Variants in IGSF11 observed in about 807,000 individuals in gnomAD.
IGSF11 encodes the protein CXADR like 1.
In IGSF11, 22 loss-of-function variants were observed where a neutral mutation model predicts 41.0. The observed-to-expected ratio is 0.54, with a 90% CI of 0.38 to 0.77. The LOEUF (loss-of-function observed/expected upper bound fraction) is 0.77, where lower values mean the gene tolerates loss of function less well. Ranked by LOEUF, IGSF11 falls within the 30% of genes least tolerant of loss-of-function variation. The pLI, the probability that IGSF11 is intolerant of heterozygous loss-of-function variation, is 0.00. For missense variants in IGSF11, 444 were observed against 530.8 expected, an observed-to-expected ratio of 0.84 and a Z score of 1.61; for synonymous variants, 219 against 201.3, an observed-to-expected ratio of 1.09 and a Z score of -0.74.
At chr3:119,145,023 G>A (rs1042799853) in intron 1 of IGSF11, among the ~76,000 whole-genome samples, 3 of 152,168 alleles carry the variant, frequency 2.0e-5, no homozygotes, top group Middle Eastern at 3.2e-3. Flanking sequence ...AATTCATAAA[G>A]TGACATTCAA....
chr3:118,908,754 C>A (rs1939910030), intron 4 of IGSF11, among the ~76,000 whole-genome samples: 1 of 152,150 alleles, frequency 6.6e-6, no homozygotes, highest in Non-Finnish European at 1.5e-5. Flanking sequence ...TAGAAAAAAA[C>A]AAATGTTAGT....
intron 1 of IGSF11, among the ~76,000 whole-genome samples, chr3:119,066,033 T>A (rs923952011): frequency 3.2e-4 from 49 of 152,268 alleles, no homozygotes; most frequent in Non-Finnish European, 5.3e-4. Context: ...AGTATTTTTT[T>A]AAAATGCATC....
chr3:119,141,042 TAAAA>T (rs35323898), intron 1 of IGSF11, among the ~76,000 whole-genome samples: 2 of 99,782 alleles, frequency 2.0e-5, no homozygotes, highest in Non-Finnish European at 1.9e-5. Flanking sequence ...TCTGTCTCAT[TAAAA>T]AAAAAAAAAA....
At chr3:118,971,271 T>A (rs1422280404) in intron 1 of IGSF11, among the ~76,000 whole-genome samples, 1 of 152,138 alleles carries the variant, frequency 6.6e-6, no homozygotes, top group Admixed American at 6.5e-5. Flanking sequence ...ATTAGCAAAC[T>A]TCAGAGAGTG....
intron 1 of IGSF11, among the ~76,000 whole-genome samples, chr3:118,936,332 C>T (rs1411601823): frequency 6.6e-6 from 1 of 151,786 alleles, no homozygotes; most frequent in Non-Finnish European, 1.5e-5. Flanking sequence ...CATGGTGAAA[C>T]TCCATCTCTA....
chr3:119,078,398 A>G (rs572095057), intron 1 of IGSF11, among the ~76,000 whole-genome samples: 2 of 152,262 alleles, frequency 1.3e-5, no homozygotes, highest in South Asian at 4.1e-4. Flanking sequence ...AGGTTAGAGA[A>G]CCCATAAATA....
chr3:119,049,058 A>G (rs1229692577), intron 1 of IGSF11, among the ~76,000 whole-genome samples: 4 of 151,104 alleles, frequency 2.6e-5, no homozygotes, highest in Non-Finnish European at 3.0e-5. Context: ...ATGGGCAAAA[A>G]CTGGAAGCAT....
intron 1 of IGSF11, among the ~76,000 whole-genome samples, chr3:119,089,100 A>G (rs1378143181): frequency 6.6e-6 from 1 of 152,176 alleles, no homozygotes; most frequent in East Asian, 1.9e-4. Context: ...TCAGCTTGAT[A>G]CAAAAATCTG....
chr3:119,094,056 A>G (rs1472984401), intron 1 of IGSF11, among the ~76,000 whole-genome samples: 1 of 151,626 alleles, frequency 6.6e-6, no homozygotes, highest in Admixed American at 6.6e-5. Context: ...AAATCACCTC[A>G]TGAGGTATAA....
intron 1 of IGSF11, among the ~76,000 whole-genome samples, chr3:119,013,767 T>A (rs1045516261): frequency 6.6e-6 from 1 of 152,232 alleles, no homozygotes; most frequent in Non-Finnish European, 1.5e-5. Flanking sequence ...GGACAACGTG[T>A]GTCTTGCCCA....
At chr3:119,016,395 T>C (rs1938693295) in intron 1 of IGSF11, among the ~76,000 whole-genome samples, 1 of 152,224 alleles carries the variant, frequency 6.6e-6, no homozygotes, top group African/African-American at 2.4e-5. Flanking sequence ...TAATTTATTA[T>C]TCATGCTGTC....
chr3:119,067,517 C>T (rs1223881823), intron 1 of IGSF11, among the ~76,000 whole-genome samples: 3 of 152,180 alleles, frequency 2.0e-5, no homozygotes, highest in African/African-American at 7.2e-5. Context: ...GTCTTTGTTT[C>T]CTAAGTTATC....
rs112967365 is a variant in IGSF11, at chr3:119,073,517, A to C, written c.49+31627T>G. Among the ~76,000 whole-genome samples, 872 of 152,312 alleles carry C rather than the reference A, an allele frequency of 5.7e-3. 9 individuals are homozygous for C. Among genetic ancestry groups the C allele is most frequent in the African/African-American group, 0.02 (842 of 41,584 alleles). ...GAGCCCACCGTGGGGGGGCTCGGGC[A>C]TGGTGGGCTGCAGGTCCCGATCCCT... On this transcript the variant is annotated intron_variant, in intron 1 of 6. Transcript: ENST00000354673.
intron 1 of IGSF11, among the ~76,000 whole-genome samples, chr3:119,005,488 G>T (rs534865781): frequency 4.8e-4 from 71 of 148,990 alleles, no homozygotes; most frequent in African/African-American, 1.4e-3. Flanking sequence ...TGTTATGTGT[G>T]AATTTAATCC....
intron 1 of IGSF11, among the ~76,000 whole-genome samples, chr3:118,946,277 T>TA (rs11441705): frequency 0.26 from 39,949 of 151,190 alleles, 6,579 homozygotes; most frequent in African/African-American, 0.45. Flanking sequence ...AATGTTTTTT[T>TA]AAAAAAATCA....
At chr3:119,066,694 G>T (rs1942243180) in intron 1 of IGSF11, among the ~76,000 whole-genome samples, 1 of 152,154 alleles carries the variant, frequency 6.6e-6, no homozygotes, top group Admixed American at 6.5e-5. Flanking sequence ...GAACTGGATT[G>T]TCATCGTACC....
At chr3:118,919,301 C>T (rs1384794203) in intron 4 of IGSF11, among the ~76,000 whole-genome samples, 18 of 139,832 alleles carry the variant, frequency 1.3e-4, no homozygotes, top group Admixed American at 4.9e-4. Flanking sequence ...GCAAAAGAAA[C>T]TACCATCAGA....
chr3:119,061,878 T>C (rs1157449168), intron 1 of IGSF11, among the ~76,000 whole-genome samples: 2 of 152,148 alleles, frequency 1.3e-5, no homozygotes, highest in Non-Finnish European at 2.9e-5. Flanking sequence ...ATAGTGTATA[T>C]TTCTTGATGT....
chr3:118,919,794 TA>T (rs1489726341), intron 4 of IGSF11, among the ~76,000 whole-genome samples: 2 of 111,244 alleles, frequency 1.8e-5, no homozygotes, highest in African/African-American at 7.0e-5. Flanking sequence ...CATGCTGCTA[TA>T]AAGACACATG....
Sources: allele counts gnomAD v4.1 joint callset (sites outside exome capture counted in the v4.1 genomes callset), GRCh38; gene constraint gnomAD v4.1.1; transcripts MANE v1.5; gene names NCBI Gene and HGNC (gene_info 2026-07-23, HGNC 2026-07-21).